JAK1: variants seen among roughly 807,000 people sequenced by gnomAD.
JAK1 encodes the protein Janus kinase 1.
JAK1 carries 16 observed loss-of-function variants against 136.6 expected under a neutral mutation model. That is an observed-to-expected ratio of 0.12 (90% CI 0.08 to 0.18). The LOEUF is 0.18. Ranked by LOEUF, JAK1 falls within the 10% of genes least tolerant of loss-of-function variation. The pLI is 1.00. For synonymous variants in JAK1, 492 were observed against 519.5 expected, an observed-to-expected ratio of 0.95 and a Z score of 0.72; for missense variants, 859 against 1,450.1, an observed-to-expected ratio of 0.59 and a Z score of 6.62.
chr1:64,983,875 T>G (rs1646573164), intron 2 of JAK1, among the ~76,000 whole-genome samples: 1 of 152,228 alleles, frequency 6.6e-6, no homozygotes, highest in African/African-American at 2.4e-5. Context: ...ATGACTTTTC[T>G]GAGAAATTAA....
chr1:64,974,955 G>A (rs1160772728), intron 2 of JAK1, among the ~76,000 whole-genome samples: 5 of 151,886 alleles, frequency 3.3e-5, no homozygotes, highest in African/African-American at 1.2e-4. Context: ...TATTGCCCAG[G>A]CTGGAGTGCA....
intron 1 of JAK1, among the ~76,000 whole-genome samples, chr1:64,955,376 A>G (rs1489643055): frequency 3.9e-5 from 6 of 152,198 alleles, no homozygotes; most frequent in Admixed American, 1.3e-4. Context: ...GAGACCAGGG[A>G]CATTTGAAGG....
chr1:65,044,998 A>G (rs979792509), intron 1 of JAK1, among the ~76,000 whole-genome samples: 2 of 152,224 alleles, frequency 1.3e-5, no homozygotes, highest in African/African-American at 4.8e-5. Context: ...TAGCATTCCA[A>G]ATCTAGTGGT....
chr1:64,950,381 C>T (rs1285826165), intron 1 of JAK1, among the ~76,000 whole-genome samples: 6 of 149,886 alleles, frequency 4.0e-5, no homozygotes, highest in African/African-American at 1.5e-4. Context: ...CACTCCAGCC[C>T]GGGAGACAGA....
rs958607103 is a variant in JAK1, at chr1:64,980,578, T to TTA, written c.-78+63900_-78+63901dup. Among the ~76,000 whole-genome samples, 668 of 151,486 alleles carry TTA rather than the reference T, an allele frequency of 4.4e-3. 3 individuals carry two copies. Among genetic ancestry groups the TTA allele is most frequent in the African/African-American group, 0.015 (618 of 41,302 alleles). On this transcript the variant is annotated intron_variant, in intron 2 of 25. Coordinates refer to the JAK1 transcript ENST00000671954. ...TCTTTTTTTTTTTTAAACTCTTTTT[T>TTA]TATATATATATATACTTTAAGTTTT...
chr1:64,979,838 T>C (rs1169005347), intron 2 of JAK1: 1 of 152,190 alleles, frequency 6.6e-6, no homozygotes, highest in African/African-American at 2.4e-5. Flanking sequence ...TTCATGGGGC[T>C]TGTGAAATGT....
intron 2 of JAK1, among the ~76,000 whole-genome samples, chr1:65,013,394 T>TAA (rs1389944702): frequency 6.1e-5 from 7 of 115,362 alleles, no homozygotes; most frequent in Admixed American, 1.8e-4. Flanking sequence ...AGACTCTGTC[T>TAA]AAAAAAAAAA....
chr1:65,048,143 GT>G (rs1190155690), intron 1 of JAK1, among the ~76,000 whole-genome samples: 1 of 152,120 alleles, frequency 6.6e-6, no homozygotes, highest in East Asian at 1.9e-4. Context: ...TGATTTGGGG[GT>G]TCTGGCATAG....
chr1:64,907,868 AAG>A (rs1293104715), intron 1 of JAK1, among the ~76,000 whole-genome samples: 1 of 152,172 alleles, frequency 6.6e-6, no homozygotes, highest in African/African-American at 2.4e-5. Flanking sequence ...CTAAAAAGCA[AAG>A]TAGACCCAGC....
At chr1:64,855,324 A>C (rs1260255278) in intron 11 of JAK1, among the ~76,000 whole-genome samples, 185 bp downstream of exon 11, 1 of 152,200 alleles carries the variant, frequency 6.6e-6, no homozygotes, top group Non-Finnish European at 1.5e-5. Context: ...TCTTCTACAG[A>C]AAATGCTCAC....
At chr1:64,958,494 T>C (rs952093024) in intron 1 of JAK1, among the ~76,000 whole-genome samples, 6 of 152,220 alleles carry the variant, frequency 3.9e-5, no homozygotes, top group Non-Finnish European at 8.8e-5. Context: ...TTAGTCTATG[T>C]TATGTGAATT....
intron 1 of JAK1, among the ~76,000 whole-genome samples, chr1:64,936,347 G>C (rs1645789170): frequency 6.6e-6 from 1 of 152,098 alleles, no homozygotes; most frequent in Non-Finnish European, 1.5e-5. Context: ...AAGAGTATTT[G>C]GTATTTAAGA....
intron 1 of JAK1, among the ~76,000 whole-genome samples, chr1:64,948,996 C>T (rs1646035240): frequency 6.6e-6 from 1 of 152,044 alleles, no homozygotes; most frequent in African/African-American, 2.4e-5. Context: ...ATTTAAGAAA[C>T]AAAAACGGTC....
At chr1:64,970,151 A>AAAAAAAAAC (rs1256701898), upstream of JAK1, among the ~76,000 whole-genome samples, 4 of 148,246 alleles carry the variant, frequency 2.7e-5, no homozygotes, top group African/African-American at 1.0e-4. Flanking sequence ...AAAAAAAAAA[A>AAAAAAAAAC]AAAACGGCCG....
At chr1:65,036,045 G>T (rs1397304798) in intron 2 of JAK1, among the ~76,000 whole-genome samples, 5 of 152,124 alleles carry the variant, frequency 3.3e-5, no homozygotes, top group Non-Finnish European at 7.4e-5. Flanking sequence ...TCCAGCCTGG[G>T]TGACAGAGAC....
At chr1:64,874,919 C>T (rs772393915) in intron 4 of JAK1, among the ~76,000 whole-genome samples, 8 of 152,108 alleles carry the variant, frequency 5.3e-5, no homozygotes, top group Non-Finnish European at 8.8e-5. Flanking sequence ...TGGGAGCAAC[C>T]GGTCAGGTCC....
intron 2 of JAK1, 46 bp from the exon 3 acceptor site, chr1:64,883,521 A>C (rs1338359314): frequency 1.3e-6 from 2 of 1,537,070 alleles, no homozygotes; most frequent in African/African-American, 1.4e-5. Context: ...CTATGTGCTA[A>C]AAGTTCTTAT....
intron 1 of JAK1, among the ~76,000 whole-genome samples, chr1:64,892,067 CAA>C (rs1250280912): frequency 6.6e-6 from 1 of 152,198 alleles, no homozygotes; most frequent in Non-Finnish European, 1.5e-5. Flanking sequence ...CACATTGTAC[CAA>C]GAGACTTTGT....
intron 2 of JAK1, among the ~76,000 whole-genome samples, chr1:65,030,821 C>A (rs571496982): frequency 6.6e-6 from 1 of 152,132 alleles, no homozygotes; most frequent in Admixed American, 6.5e-5. Flanking sequence ...TGTGAGCCAC[C>A]GCACCTGGCC....
Sources: allele counts gnomAD v4.1 joint callset (sites outside exome capture counted in the v4.1 genomes callset), GRCh38; gene constraint gnomAD v4.1.1; transcripts MANE v1.5; gene names NCBI Gene and HGNC (gene_info 2026-07-23, HGNC 2026-07-21).